RABGEF1: variants seen among roughly 807,000 people sequenced by gnomAD.
RABGEF1 encodes RAB guanine nucleotide exchange factor 1.
Under a neutral mutation model 57.3 loss-of-function variants are expected in RABGEF1, and 26 were observed. The observed-to-expected ratio is 0.45, with a 90% confidence interval of 0.33 to 0.63. The LOEUF (loss-of-function observed/expected upper bound fraction) is 0.63. RABGEF1 is among the 20% of genes least tolerant of loss of function. RABGEF1 has a pLI of 0.02. For missense variants in RABGEF1, 464 were observed against 607.6 expected (o/e 0.76, Z 2.48); for synonymous variants, 185 against 210.7 (o/e 0.88, Z 1.06).
At chr7:66,797,043 T>TA (rs1786114497) in intron 5 of RABGEF1, among the ~76,000 whole-genome samples, 2 of 152,068 alleles carry the variant, frequency 1.3e-5, no homozygotes, top group Non-Finnish European at 2.9e-5. Context: ...CTCACACCTA[T>TA]AAACCTAGTA....
intron 1 of RABGEF1, chr7:66,756,077 G>T: frequency 6.8e-7 from 1 of 1,481,132 alleles, no homozygotes; most frequent in Non-Finnish European, 9.0e-7. Flanking sequence ...ATACCATGAA[G>T]GTGAGTACTG....
chr7:66,759,395 C>G (rs1162070924), intron 1 of RABGEF1, among the ~76,000 whole-genome samples: 1 of 152,246 alleles, frequency 6.6e-6, no homozygotes, highest in Non-Finnish European at 1.5e-5. Flanking sequence ...CAGCCGTAAA[C>G]TCTAGCAACA....
intron 1 of RABGEF1, among the ~76,000 whole-genome samples, chr7:66,698,826 C>T (rs1048261566): frequency 2.6e-5 from 4 of 152,208 alleles, no homozygotes; most frequent in Admixed American, 2.0e-4. Flanking sequence ...TGACTCCACC[C>T]TGGTACTCCT....
At chr7:66,779,290 G>GGT (rs1377282160) in intron 3 of RABGEF1, among the ~76,000 whole-genome samples, 1 of 152,208 alleles carries the variant, frequency 6.6e-6, no homozygotes, top group Non-Finnish European at 1.5e-5. Flanking sequence ...GATCACCTAA[G>GGT]GTCGGGAGTT....
chr7:66,770,189 C>T (rs1423382775), intron 1 of RABGEF1: 2 of 152,234 alleles, frequency 1.3e-5, no homozygotes, highest in Admixed American at 6.5e-5. Flanking sequence ...TCTCTGCACA[C>T]AGTTGGCACT....
chr7:66,787,468 C>T (rs184555124), intron 4 of RABGEF1, among the ~76,000 whole-genome samples: 107 of 151,910 alleles, frequency 7.0e-4, no homozygotes, highest in African/African-American at 2.5e-3. Flanking sequence ...CCCAGCCTCC[C>T]GCATAGCTGA....
At chr7:66,657,997 G>GT in the RABGEF1 span, among the ~76,000 whole-genome samples, 9 of 151,888 alleles carry the variant, frequency 5.9e-5, no homozygotes, top group South Asian at 6.2e-4. Flanking sequence ...AAAATTAAAA[G>GT]TTTTTTTTAC....
intron 4 of RABGEF1, among the ~76,000 whole-genome samples, chr7:66,788,810 C>T (rs932060695): frequency 2.0e-5 from 3 of 152,052 alleles, no homozygotes; most frequent in Admixed American, 2.0e-4. Context: ...AAAAAATTAG[C>T]TGGGCGTGGT....
chr7:66,754,070 T>C (rs1405195997), intron 1 of RABGEF1, among the ~76,000 whole-genome samples: 1 of 149,548 alleles, frequency 6.7e-6, no homozygotes, highest in African/African-American at 2.4e-5. Context: ...TGGCGCAATC[T>C]TGGCTTACTG....
chr7:66,702,029 A>C (rs1357076866), intron 1 of RABGEF1, among the ~76,000 whole-genome samples: 1 of 152,198 alleles, frequency 6.6e-6, no homozygotes, highest in Non-Finnish European at 1.5e-5. Context: ...AGGGCAGGGC[A>C]TCCAATACCC....
At chr7:66,736,127 A>G (rs2659891), upstream of RABGEF1, among the ~76,000 whole-genome samples, 51,576 of 152,026 alleles carry the variant, frequency 0.34, 9,166 homozygotes, top group Middle Eastern at 0.49. Context: ...ACAAAGCCTC[A>G]GTGGGCATCC....
the RABGEF1 span, among the ~76,000 whole-genome samples, chr7:66,658,880 C>T: frequency 6.6e-6 from 1 of 152,076 alleles, no homozygotes; most frequent in East Asian, 2.0e-4. Context: ...GGACTACAGG[C>T]GCCCACCACA....
intron 7 of RABGEF1, among the ~76,000 whole-genome samples, chr7:66,802,554 A>G (rs1787532637): frequency 6.6e-6 from 1 of 152,242 alleles, no homozygotes; most frequent in Non-Finnish European, 1.5e-5. Context: ...ATTATTAGAC[A>G]GCAGTGAGTT....
intron 4 of RABGEF1, among the ~76,000 whole-genome samples, chr7:66,794,639 G>T (rs1813580014): frequency 6.6e-6 from 1 of 152,202 alleles, no homozygotes; most frequent in South Asian, 2.1e-4. Flanking sequence ...ATGACAGTGT[G>T]CACTGAGTTT....
chr7:66,690,475 G>T (rs1460281332), intron 1 of RABGEF1, among the ~76,000 whole-genome samples: 1 of 150,468 alleles, frequency 6.6e-6, no homozygotes, highest in Non-Finnish European at 1.5e-5. Context: ...AGCACTTTGG[G>T]AGGCCAAGGC....
intron 1 of RABGEF1, among the ~76,000 whole-genome samples, chr7:66,745,768 CAAAA>C (rs35862923): frequency 1.7e-5 from 2 of 118,464 alleles, no homozygotes; most frequent in African/African-American, 3.4e-5. Context: ...GACTCTATCT[CAAAA>C]AAAAAAAAAA....
chr7:66,775,996 A>T (rs188069524), intron 3 of RABGEF1, among the ~76,000 whole-genome samples: 1 of 152,328 alleles, frequency 6.6e-6, no homozygotes, highest in South Asian at 2.1e-4. Flanking sequence ...CAGCAAGAGG[A>T]TTGTCACTTA....
upstream of RABGEF1, among the ~76,000 whole-genome samples, chr7:66,739,322 G>T (rs767057158): frequency 2.0e-5 from 3 of 151,662 alleles, no homozygotes; most frequent in Non-Finnish European, 4.4e-5. Flanking sequence ...TCTGAGAAAC[G>T]AATCAGTTAA....
At chr7:66,789,682 C>CAA (rs35661980) in intron 4 of RABGEF1, among the ~76,000 whole-genome samples, 585 of 57,450 alleles carry the variant, frequency 0.01, 46 homozygotes, top group African/African-American at 0.013. Context: ...GACTCTATCT[C>CAA]AAAAAAAAAA....
Sources: gnomAD v4.1 joint callset for allele counts (sites outside exome capture counted in the v4.1 genomes callset) on GRCh38, gnomAD v4.1.1 for gene constraint, MANE v1.5 for transcripts, NCBI Gene and HGNC (gene_info 2026-07-23, HGNC 2026-07-21) for gene names.